The following ULK4 variants were observed in gnomAD, a reference collection of about 807,000 sequenced individuals.
ULK4 encodes the protein inactive serine/threonine-protein kinase ULK4.
ULK4 carries 133 observed loss-of-function variants against 160.6 expected under a neutral mutation model. The ratio of observed to expected loss-of-function variants is 0.83; its 90% confidence interval spans 0.72 to 0.96. The LOEUF (loss-of-function observed/expected upper bound fraction) is 0.96. Ranked by LOEUF, ULK4 falls within the 40% of genes least tolerant of loss-of-function variation. The pLI, the probability that ULK4 is intolerant of heterozygous loss-of-function variation, is 0.00. For synonymous variants in ULK4, 534 were observed against 539.8 expected, an observed-to-expected ratio of 0.99 and a Z score of 0.15; for missense variants, 1,580 against 1,499.5, an observed-to-expected ratio of 1.05 and a Z score of -0.89.
intron 12 of ULK4, among the ~76,000 whole-genome samples, chr3:41,907,301 A>AT (rs71075494): frequency 0.68 from 101,146 of 147,802 alleles, 37,702 homozygotes; most frequent in East Asian, 0.83. Flanking sequence ...CCTTTTATTT[A>AT]TTTTTTTTTT....
intron 29 of ULK4, among the ~76,000 whole-genome samples, chr3:41,677,260 A>G (rs917552684): frequency 1.3e-5 from 2 of 151,478 alleles, no homozygotes; most frequent in Non-Finnish European, 2.9e-5. Context: ...TCTAACTCAA[A>G]TACTATCTCT....
chr3:41,748,220 CATAT>C, intron 22 of ULK4, among the ~76,000 whole-genome samples: 1 of 143,044 alleles, frequency 7.0e-6, no homozygotes. Context: ...AGAGAGGCCA[CATAT>C]ATATATACAC....
chr3:41,256,708 TA>T (rs2078841359), intron 35 of ULK4, among the ~76,000 whole-genome samples: 1 of 152,294 alleles, frequency 6.6e-6, no homozygotes, highest in East Asian at 1.9e-4. Flanking sequence ...CATAATCCCT[TA>T]AAAAAATTAT....
At chr3:41,637,049 T>C (rs1483551230) in intron 30 of ULK4, among the ~76,000 whole-genome samples, 3 of 152,214 alleles carry the variant, frequency 2.0e-5, no homozygotes, top group South Asian at 2.1e-4. Flanking sequence ...CTCATTAATA[T>C]ATACATTATC....
chr3:41,284,897 T>G (rs2079428564), intron 35 of ULK4, among the ~76,000 whole-genome samples: 1 of 151,442 alleles, frequency 6.6e-6, no homozygotes, highest in Admixed American at 6.6e-5. Context: ...CAAATCAGTA[T>G]GAAAAAAAGA....
At chr3:41,410,237 G>T (rs1275265561) in intron 34 of ULK4, among the ~76,000 whole-genome samples, 2 of 152,132 alleles carry the variant, frequency 1.3e-5, no homozygotes, top group Non-Finnish European at 2.9e-5. Context: ...AATGTTCATA[G>T]CAATGTTATT....
At chr3:41,298,431 T>C (rs1014128400) in intron 35 of ULK4, among the ~76,000 whole-genome samples, 6 of 152,240 alleles carry the variant, frequency 3.9e-5, no homozygotes, top group Non-Finnish European at 8.8e-5. Flanking sequence ...ATTGCCTCTG[T>C]CTAATGTTTT....
intron 25 of ULK4, among the ~76,000 whole-genome samples, chr3:41,712,930 A>AT (rs1382087922): frequency 4.9e-4 from 75 of 151,824 alleles, no homozygotes; most frequent in African/African-American, 1.5e-3. Context: ...AAAAAAAAAA[A>AT]TCCACAATGC....
chr3:41,353,506 A>T (rs1008775862), intron 35 of ULK4, among the ~76,000 whole-genome samples: 10 of 151,780 alleles, frequency 6.6e-5, no homozygotes, highest in African/African-American at 1.5e-4. Flanking sequence ...TTCTACAAAA[A>T]TTTTTTTAAA....
At chr3:41,410,912 A>T (rs1039024129) in intron 34 of ULK4, among the ~76,000 whole-genome samples, 3 of 152,010 alleles carry the variant, frequency 2.0e-5, no homozygotes, top group African/African-American at 7.3e-5. Context: ...GTCATATTGG[A>T]TTGAGGACCC....
chr3:41,929,137 T>C (rs1477523034), intron 5 of ULK4, among the ~76,000 whole-genome samples: 1 of 152,144 alleles, frequency 6.6e-6, no homozygotes, highest in African/African-American at 2.4e-5. Context: ...CAAAAGTTTA[T>C]CCATCATGAT....
chr3:41,601,680 GCTTAT>G (rs775543403), intron 31 of ULK4, among the ~76,000 whole-genome samples: 6 of 152,030 alleles, frequency 3.9e-5, no homozygotes, highest in African/African-American at 1.2e-4. Flanking sequence ...AACCCATAAT[GCTTAT>G]CTTATCATGA....
In ULK4 at chr3:41,913,221, C is replaced by CTTT. The variant is rs562065017; in HGVS notation, c.804-325_804-323dup. On this transcript the variant is annotated intron_variant, in intron 8 of 36. Transcript: ENST00000301831. ...CGGAGTCGATAAATAATTTGAAATT[C>CTTT]TTTTTTTTTTTTTTTTTTTTTTGAG... The CTTT allele has an allele frequency of 4.4e-4, 44 of 99,840 alleles. 1 individual carries two copies. The highest frequency in any genetic ancestry group is 1.1e-3 in the African/African-American group (32 of 28,220). The allele number at this position is 99,840 out of a possible 1,614,324, so 6.2% of individuals were successfully genotyped here. A position where few individuals can be genotyped will look rare whatever the true frequency, so the allele number is the denominator to read the frequency against.
At chr3:41,751,446 A>T (rs2038623983) in intron 22 of ULK4, among the ~76,000 whole-genome samples, 1 of 152,150 alleles carries the variant, frequency 6.6e-6, no homozygotes, top group South Asian at 2.1e-4. Context: ...AATGGAGCCT[A>T]CCTTACCTCC....
At chr3:41,754,098 T>C (rs995490021) in intron 22 of ULK4, among the ~76,000 whole-genome samples, 2 of 152,178 alleles carry the variant, frequency 1.3e-5, no homozygotes, top group African/African-American at 4.8e-5. Flanking sequence ...ACAGGGATTA[T>C]AATTCAAGGT....
At position 41,835,989 on chromosome 3, in the gene ULK4, A is replaced by G. The variant is rs543106665; in HGVS notation, c.1657-18T>C. The G allele has an allele frequency of 5.0e-5, 75 of 1,508,382 alleles. 1 individual carries two copies. The South Asian group carries it at 7.7e-4, about 15-fold the overall frequency. The allele number at this position is 1,508,382 out of a possible 1,614,324, so 93.4% of individuals were successfully genotyped here. A position where few individuals can be genotyped will look rare whatever the true frequency, so the allele number is the denominator to read the frequency against. On this transcript the variant is annotated intron_variant, in intron 17 of 36. Coordinates refer to ENST00000301831, the MANE Select transcript of ULK4 (RefSeq NM_017886.4). The stretch of plus-strand genomic sequence containing the variant: ...ACAATTGCCTGCAAAGACAAAAAAA[A>G]AAAAAGTAAATTATTTCAAATGTAT...
At chr3:41,475,359 T>G (rs2084108170) in intron 32 of ULK4, among the ~76,000 whole-genome samples, 1 of 152,160 alleles carries the variant, frequency 6.6e-6, no homozygotes, top group Non-Finnish European at 1.5e-5. Context: ...GTGGAGATGA[T>G]GGTCAAAAGG....
Position 41,715,509 on chromosome 3 carries a change from C to G in ULK4, c.2515G>C (p.Val839Leu), listed in dbSNP as rs777923299. Reference sequence around the variant, plus strand: ...GGGAGACACAACTTCAGCTGTTTCACTTGAACTGTTGATGGGTGTTTACGT... The same window carrying G: ...GGGAGACACAACTTCAGCTGTTTCAGTTGAACTGTTGATGGGTGTTTACGT... ...SGRKHPSTVQVKQLKLCLPLM... is the reference protein window; with the variant it reads ...SGRKHPSTVQLKQLKLCLPLM... The change falls in exon 24 of 37, where the codon GTG becomes CTG. Residue 839 changes from valine (V) to leucine (L), a missense_variant. By Grantham distance (32) the Val-to-Leu change is conservative. Transcript: ENST00000301831. 2.5e-6 allele frequency: 4 copies of G among 1,613,994 alleles called. No individual in the cohort carries two copies. The highest frequency in any genetic ancestry group is 2.7e-5 in the African/African-American group (2 of 74,920).
chr3:41,961,550 A>ACCCCTCCCCCCCCCCCCCCCC (rs57463009), intron 1 of ULK4, among the ~76,000 whole-genome samples: 3 of 124,718 alleles, frequency 2.4e-5, no homozygotes, highest in Admixed American at 7.4e-5. Context: ...GTAGTCACTC[A>ACCCCTCCCCCCCCCCCCCCCC]CCCCCCCCCC....
Sources: allele counts gnomAD v4.1 joint callset (sites outside exome capture counted in the v4.1 genomes callset), GRCh38; gene constraint gnomAD v4.1.1; transcripts MANE v1.5; gene names NCBI Gene and HGNC (gene_info 2026-07-23, HGNC 2026-07-21).